FMN2: variants seen among roughly 807,000 people sequenced by gnomAD.
FMN2 encodes formin 2.
A neutral mutation model predicts 142.3 loss-of-function variants in FMN2; 51 were observed. The observed-to-expected ratio is 0.36, with a 90% CI of 0.29 to 0.45. The LOEUF is 0.45. FMN2 is among the 20% of genes least tolerant of loss of function. FMN2 has a pLI of 1.00. For synonymous variants in FMN2, 882 were observed against 869.8 expected, an observed-to-expected ratio of 1.01 and a Z score of -0.25; for missense variants, 1,936 against 2,122.8, an observed-to-expected ratio of 0.91 and a Z score of 1.73.
chr1:240,181,823 C>T (rs1205358134), intron 3 of FMN2, among the ~76,000 whole-genome samples: 1 of 152,198 alleles, frequency 6.6e-6, no homozygotes, highest in Non-Finnish European at 1.5e-5. Context: ...TATCTTCTCC[C>T]TCAGTTTCCC....
intron 15 of FMN2, among the ~76,000 whole-genome samples, chr1:240,409,110 T>C (rs759735545): frequency 2.0e-5 from 3 of 152,132 alleles, no homozygotes; most frequent in Non-Finnish European, 4.4e-5. Flanking sequence ...AGATATGAGA[T>C]TGTAGAGTTT....
chr1:240,103,990 C>T (rs1661507987), intron 1 of FMN2, among the ~76,000 whole-genome samples: 1 of 151,812 alleles, frequency 6.6e-6, no homozygotes, highest in African/African-American at 2.4e-5. Context: ...CATTCTCCTG[C>T]CTCAGCCTCC....
intron 7 of FMN2, among the ~76,000 whole-genome samples, chr1:240,278,776 T>C (rs1669301085): frequency 6.6e-6 from 1 of 152,152 alleles, no homozygotes; most frequent in African/African-American, 2.4e-5. Flanking sequence ...TATCTTTATA[T>C]GTATAAGTTG....
At chr1:240,335,915 A>C (rs1033681277) in intron 13 of FMN2, among the ~76,000 whole-genome samples, 1 of 151,810 alleles carries the variant, frequency 6.6e-6, no homozygotes, top group Non-Finnish European at 1.5e-5. Context: ...AGGCCGAGAC[A>C]GGCAGATCAC....
At chr1:240,472,602 T>G in intron 17 of FMN2, 149 bp downstream of exon 17, 1 of 548,816 alleles carries the variant, frequency 1.8e-6, no homozygotes. Context: ...CTTTTTCTTA[T>G]GCCTTTAATC....
chr1:240,108,034 A>G (rs1005537544), intron 1 of FMN2, among the ~76,000 whole-genome samples: 5 of 152,162 alleles, frequency 3.3e-5, no homozygotes, highest in Admixed American at 3.3e-4. Context: ...CTTGAAGACT[A>G]AGAGGATCTT....
At chr1:240,302,341 G>GT (rs1670228813) in intron 8 of FMN2, among the ~76,000 whole-genome samples, 1 of 151,818 alleles carries the variant, frequency 6.6e-6, no homozygotes, top group East Asian at 1.9e-4. Context: ...CAATACCTGG[G>GT]CCCTCAGAAA....
intron 7 of FMN2, among the ~76,000 whole-genome samples, chr1:240,290,541 A>T (rs755891818): frequency 1.1e-4 from 17 of 152,130 alleles, no homozygotes; most frequent in Non-Finnish European, 1.9e-4. Flanking sequence ...TTTCTGAATT[A>T]TTTTTCTACT....
At chr1:240,257,188 C>A (rs1477798639) in intron 6 of FMN2, among the ~76,000 whole-genome samples, 1 of 152,102 alleles carries the variant, frequency 6.6e-6, no homozygotes, top group Non-Finnish European at 1.5e-5. Context: ...AAAACATGGT[C>A]AAAAAATATC....
At chr1:240,183,177 A>G (rs993014746) in intron 3 of FMN2, among the ~76,000 whole-genome samples, 1 of 151,610 alleles carries the variant, frequency 6.6e-6, no homozygotes, top group Non-Finnish European at 1.5e-5. Context: ...TTGGCCTCCC[A>G]AAGTGCTGGG....
intron 15 of FMN2, among the ~76,000 whole-genome samples, chr1:240,397,414 T>C (rs1673816986): frequency 6.6e-6 from 1 of 152,166 alleles, no homozygotes; most frequent in Non-Finnish European, 1.5e-5. Context: ...GGTCTTCAAC[T>C]GATTGGAGGA....
rs144244649 is a variant in FMN2 at position 240,253,067 on chromosome 1, G to A, written c.4066-4878G>A. 5.0e-3 allele frequency among the ~76,000 whole-genome samples: 745 copies of A among 148,480 alleles called. 20 individuals are homozygous for A. The East Asian group carries it at 0.06, about 12-fold the overall frequency. On this transcript the variant is annotated intron_variant, in intron 6 of 17. Coordinates refer to ENST00000319653, the MANE Select transcript of FMN2 (RefSeq NM_020066.5). ...TCCCTGGTTCAAGCGATTCTCCTGC[G>A]TCAGCCTCCTGAGTAGCTGGGATTA...
intron 6 of FMN2, among the ~76,000 whole-genome samples, chr1:240,240,986 TTC>T (rs1667876644): frequency 6.6e-6 from 1 of 152,226 alleles, no homozygotes; most frequent in South Asian, 2.1e-4. Flanking sequence ...TGTGCATATT[TTC>T]TTTTTGCTTT....
At chr1:240,183,793 G>T (rs1015543342) in intron 3 of FMN2, among the ~76,000 whole-genome samples, 3 of 152,004 alleles carry the variant, frequency 2.0e-5, no homozygotes, top group African/African-American at 7.2e-5. Context: ...AAAACATCTT[G>T]CATTTATTAG....
intron 2 of FMN2, among the ~76,000 whole-genome samples, chr1:240,142,501 T>A (rs113117344): frequency 1.6e-3 from 125 of 78,664 alleles, no homozygotes; most frequent in Middle Eastern, 5.8e-3. Context: ...TTATTTATAT[T>A]TTTTGGGGGG....
At position 240,329,436 on chromosome 1, in the gene FMN2, C is replaced by T. The variant is rs778943968; in HGVS notation, c.4405C>T (p.Arg1469Cys). Residue 1469 changes from arginine to cysteine, a missense_variant, in exon 10 of 18, where the codon CGC becomes TGC. By Grantham distance (180) the Arg-to-Cys change is radical. Transcript: ENST00000319653. The part of the protein sequence containing the change: ...TFSESICSIR[R>C]KLELLQKLCE... ...TTCAGAAAGCATTTGCTCAATTCGT[C>T]GCAAACTGGAATTACTACAGAAATT... The T allele has an allele frequency of 8.7e-6, 14 of 1,613,870 alleles. No homozygotes were observed. Among genetic ancestry groups the T allele is most frequent in the South Asian group, 3.3e-5 (3 of 91,060 alleles).
chr1:240,461,659 G>T (rs957826693), intron 16 of FMN2, among the ~76,000 whole-genome samples: 8 of 152,128 alleles, frequency 5.3e-5, no homozygotes, highest in African/African-American at 1.9e-4. Flanking sequence ...CCATGATTTT[G>T]TCCCCTTTTT....
intron 15 of FMN2, among the ~76,000 whole-genome samples, chr1:240,428,644 G>A (rs1245806523): frequency 6.6e-6 from 1 of 152,146 alleles, no homozygotes; most frequent in Non-Finnish European, 1.5e-5. Flanking sequence ...GACCTGGATT[G>A]AGCCATTTCT....
At chr1:240,224,471 GT>G (rs1203718759) in intron 6 of FMN2, among the ~76,000 whole-genome samples, 48 of 152,196 alleles carry the variant, frequency 3.2e-4, no homozygotes, top group Non-Finnish European at 1.5e-5. Context: ...TTGATTTGGG[GT>G]GGAGAGTTCT....
Sources: allele counts gnomAD v4.1 joint callset (sites outside exome capture counted in the v4.1 genomes callset), GRCh38; gene constraint gnomAD v4.1.1; transcripts MANE v1.5; gene names NCBI Gene and HGNC (gene_info 2026-07-23, HGNC 2026-07-21).